The following PCDH15 variants were observed in gnomAD, a reference collection of about 807,000 sequenced individuals.
The protein encoded by PCDH15 is protocadherin-15.
A neutral mutation model predicts 178.5 loss-of-function variants in PCDH15; 129 were observed. That is an observed-to-expected ratio of 0.72 (90% CI 0.63 to 0.84). PCDH15 has a LOEUF of 0.84. PCDH15 is among the 40% of genes least tolerant of loss of function. The pLI is 0.00. For synonymous variants in PCDH15, 800 were observed against 732.0 expected, an observed-to-expected ratio of 1.09 and a Z score of -1.50; for missense variants, 2,230 against 2,099.9, an observed-to-expected ratio of 1.06 and a Z score of -1.21.
chr10:54,597,193 C>T (rs1467741687), intron 2 of PCDH15, among the ~76,000 whole-genome samples: 1 of 151,986 alleles, frequency 6.6e-6, no homozygotes, highest in Non-Finnish European at 1.5e-5. Flanking sequence ...ACCACACAAT[C>T]AAACATAAAG....
chr10:53,883,768 C>A (rs567276736), intron 26 of PCDH15, among the ~76,000 whole-genome samples: 3 of 152,228 alleles, frequency 2.0e-5, no homozygotes, highest in African/African-American at 7.2e-5. Context: ...CAGGCTGGAG[C>A]GCAATGGTGT....
chr10:54,880,093 T>A (rs1383183373), intron 3 of PCDH15, among the ~76,000 whole-genome samples: 5 of 152,184 alleles, frequency 3.3e-5, no homozygotes, highest in Middle Eastern at 6.8e-3. Context: ...TACACCCAGA[T>A]CCCTTATGAA....
intron 1 of PCDH15, among the ~76,000 whole-genome samples, chr10:54,795,780 T>A (rs1049668868): frequency 6.6e-6 from 1 of 151,872 alleles, no homozygotes; most frequent in African/African-American, 2.4e-5. Context: ...AGAATAAGGG[T>A]TGAAACAAGG....
intron 2 of PCDH15, among the ~76,000 whole-genome samples, chr10:54,637,098 G>T: frequency 7.0e-6 from 1 of 143,586 alleles, no homozygotes. Context: ...CCTACTCCTA[G>T]TCAAGACTCA....
At position 55,097,665 on chromosome 10, in the gene PCDH15, T is replaced by C. The variant is rs575503409; in HGVS notation, c.-80+68911A>G. 9.9e-5 allele frequency among the ~76,000 whole-genome samples: 15 copies of C among 152,194 alleles called. No individual in the cohort carries two copies. The East Asian group carries it at 2.9e-3, about 29-fold the overall frequency. ...ACAACTAAGCACAATTAAGGTTTTC[T>C]GGAAGAGGTAAGAAGTCACCAGATA... On this transcript the variant is annotated intron_variant, in intron 2 of 5. Coordinates refer to the PCDH15 transcript ENST00000458638.
intron 3 of PCDH15, among the ~76,000 whole-genome samples, chr10:54,472,636 T>C (rs536299016): frequency 6.6e-6 from 1 of 152,158 alleles, no homozygotes; most frequent in East Asian, 1.9e-4. Context: ...GAGACACAAA[T>C]CCAGAAAAAT....
intron 2 of PCDH15, among the ~76,000 whole-genome samples, chr10:55,356,632 A>C (rs549106407): frequency 6.6e-6 from 1 of 151,950 alleles, no homozygotes; most frequent in East Asian, 1.9e-4. Context: ...AGCTCTATGA[A>C]ATTGTGTATT....
intron 11 of PCDH15, among the ~76,000 whole-genome samples, chr10:54,195,017 C>T (rs1244094795): frequency 2.6e-5 from 4 of 152,100 alleles, no homozygotes; most frequent in Admixed American, 1.3e-4. Context: ...GTCTTTCAGC[C>T]CTTCTGTTCT....
intron 1 of PCDH15, among the ~76,000 whole-genome samples, chr10:55,300,627 G>A (rs1301286625): frequency 2.6e-5 from 4 of 151,894 alleles, no homozygotes; most frequent in East Asian, 1.9e-4. Context: ...AGATTTTTCC[G>A]GGAATTCTTA....
At chr10:55,307,726 C>A (rs1462658274) in intron 1 of PCDH15, among the ~76,000 whole-genome samples, 2 of 151,712 alleles carry the variant, frequency 1.3e-5, no homozygotes, top group Non-Finnish European at 2.9e-5. Flanking sequence ...CAACTTGCCC[C>A]CCAAACAAAA....
chr10:53,939,790 G>A (rs1004146976), intron 24 of PCDH15, among the ~76,000 whole-genome samples: 3 of 152,028 alleles, frequency 2.0e-5, no homozygotes, highest in Non-Finnish European at 4.4e-5. Flanking sequence ...CACTGTGGGG[G>A]ACAGACGTTA....
intron 10 of PCDH15, among the ~76,000 whole-genome samples, chr10:54,207,545 C>T (rs1591173715): frequency 6.6e-6 from 1 of 152,078 alleles, no homozygotes; most frequent in African/African-American, 2.4e-5. Flanking sequence ...TGAGCTTCTA[C>T]ATCCTCTGTG....
chr10:55,387,229 G>A (rs1051414174), intron 2 of PCDH15, among the ~76,000 whole-genome samples: 1 of 151,984 alleles, frequency 6.6e-6, no homozygotes, highest in Non-Finnish European at 1.5e-5. Context: ...TTTTACAACA[G>A]TGGTTTTAAA....
chr10:54,097,325 G>A (rs1023567411), intron 15 of PCDH15, among the ~76,000 whole-genome samples: 2 of 152,256 alleles, frequency 1.3e-5, no homozygotes, highest in South Asian at 2.1e-4. Context: ...GTAAGGAGGA[G>A]TATTTTTCTT....
chr10:55,499,047 G>C lies in PCDH15; in HGVS notation c.-156+128578C>G, dbSNP rs935016412. 1.1e-4 allele frequency among the ~76,000 whole-genome samples: 17 copies of C among 151,848 alleles called. No homozygotes were observed. In the East Asian group the frequency reaches 3.1e-3, roughly 28 times the overall value. On this transcript the variant is annotated intron_variant, in intron 2 of 5. Transcript: ENST00000613346. ...TCACTGTTTTGATGCCTGTCAACTG[G>C]AGAAAATGTTTGACTTTTCCAAACA...
intron 2 of PCDH15, among the ~76,000 whole-genome samples, chr10:55,478,547 T>A (rs967310235): frequency 3.3e-5 from 5 of 150,536 alleles, no homozygotes; most frequent in Non-Finnish European, 7.4e-5. Flanking sequence ...ATGAAAGAAG[T>A]AGAAAGATTT....
At chr10:54,387,827 C>A (rs1950101451) in intron 3 of PCDH15, among the ~76,000 whole-genome samples, 1 of 152,162 alleles carries the variant, frequency 6.6e-6, no homozygotes, top group Non-Finnish European at 1.5e-5. Context: ...TCTTCCTTGG[C>A]AATATTCATC....
chr10:54,517,388 A>G (rs1261439185), intron 3 of PCDH15, among the ~76,000 whole-genome samples: 5 of 152,190 alleles, frequency 3.3e-5, no homozygotes, highest in Non-Finnish European at 7.3e-5. Flanking sequence ...AAAGGAAAAC[A>G]AAAAACGGCA....
At chr10:55,218,583 A>C (rs923835128) in intron 1 of PCDH15, among the ~76,000 whole-genome samples, 1 of 152,070 alleles carries the variant, frequency 6.6e-6, no homozygotes, top group African/African-American at 2.4e-5. Context: ...CTTGATCTAC[A>C]GTTATGTCAA....
Sources: gnomAD v4.1 joint callset for allele counts (sites outside exome capture counted in the v4.1 genomes callset) on GRCh38, gnomAD v4.1.1 for gene constraint, MANE v1.5 for transcripts, NCBI Gene and HGNC (gene_info 2026-07-23, HGNC 2026-07-21) for gene names.